The following PTPRD variants were observed in gnomAD, a reference collection of about 807,000 sequenced individuals.
PTPRD encodes protein tyrosine phosphatase receptor type D, also known as receptor-type tyrosine-protein phosphatase delta.
A neutral mutation model predicts 214.5 loss-of-function variants in PTPRD; 34 were observed. That is an observed-to-expected ratio of 0.16 (90% CI 0.12 to 0.21). The LOEUF (loss-of-function observed/expected upper bound fraction) is 0.21, where lower values mean the gene tolerates loss of function less well. PTPRD is among the 10% of genes least tolerant of loss of function. The pLI is 1.00. For missense variants in PTPRD, 2,545 were observed against 2,398.7 expected, an observed-to-expected ratio of 1.06 and a Z score of -1.27; for synonymous variants, 1,128 against 845.7, an observed-to-expected ratio of 1.33 and a Z score of -5.79.
At chr9:10,229,473 C>A (rs919510964) in intron 3 of PTPRD, among the ~76,000 whole-genome samples, 9 of 152,004 alleles carry the variant, frequency 5.9e-5, no homozygotes, top group Admixed American at 5.9e-4. Context: ...CAGTGATAGA[C>A]TGGATTAAGA....
chr9:8,918,032 C>T (rs1330511723), intron 11 of PTPRD, among the ~76,000 whole-genome samples: 2 of 152,150 alleles, frequency 1.3e-5, no homozygotes, highest in East Asian at 1.9e-4. Context: ...AACAGCGTCA[C>T]AACAAGCTTT....
intron 6 of PTPRD, among the ~76,000 whole-genome samples, chr9:9,743,238 A>G (rs1424675485): frequency 6.6e-6 from 1 of 152,168 alleles, no homozygotes; most frequent in East Asian, 1.9e-4. Context: ...TGCCAAATGC[A>G]TATTTCAGAT....
At chr9:9,980,270 A>T (rs907169701) in intron 4 of PTPRD, among the ~76,000 whole-genome samples, 1 of 152,030 alleles carries the variant, frequency 6.6e-6, no homozygotes, top group Non-Finnish European at 1.5e-5. Context: ...AATCATATAT[A>T]TACTTGTAAT....
At chr9:10,159,019 C>A (rs572619025) in intron 3 of PTPRD, among the ~76,000 whole-genome samples, 18 of 152,150 alleles carry the variant, frequency 1.2e-4, no homozygotes, top group African/African-American at 4.1e-4. Flanking sequence ...TTCCACTGGT[C>A]CCCCTGGGCA....
intron 8 of PTPRD, among the ~76,000 whole-genome samples, chr9:9,417,731 G>C (rs1175235049): frequency 6.6e-6 from 1 of 152,036 alleles, no homozygotes; most frequent in Non-Finnish European, 1.5e-5. Context: ...CATTTAGAAA[G>C]TCATTTAACC....
chr9:10,230,436 G>GTATCTATCTATC (rs59835845), intron 3 of PTPRD, among the ~76,000 whole-genome samples: 2,751 of 140,690 alleles, frequency 0.02, 28 homozygotes, highest in East Asian at 0.029. Flanking sequence ...ATGTATCTAT[G>GTATCTATCTATC]TATCTATCTA....
At chr9:9,642,595 A>G (rs961236604) in intron 7 of PTPRD, among the ~76,000 whole-genome samples, 3 of 151,968 alleles carry the variant, frequency 2.0e-5, no homozygotes, top group Non-Finnish European at 2.9e-5. Flanking sequence ...TCCCCAATTC[A>G]TCTTGATTTT....
At chr9:10,214,585 T>C (rs983569380) in intron 3 of PTPRD, among the ~76,000 whole-genome samples, 1 of 151,958 alleles carries the variant, frequency 6.6e-6, no homozygotes, top group African/African-American at 2.4e-5. Context: ...CAACTATTAA[T>C]TCTTACTGGA....
intron 35 of PTPRD, among the ~76,000 whole-genome samples, chr9:8,435,700 T>TACACACACACACAC (rs3043782): frequency 4.7e-5 from 7 of 148,780 alleles, no homozygotes; most frequent in African/African-American, 1.7e-4. Flanking sequence ...AATATCCAAA[T>TACACACACACACAC]ACACACACAC....
At chr9:10,387,577 GTCT>G (rs1393780565) in intron 2 of PTPRD, among the ~76,000 whole-genome samples, 4 of 151,634 alleles carry the variant, frequency 2.6e-5, no homozygotes, top group Admixed American at 2.6e-4. Flanking sequence ...ACTTCACCAG[GTCT>G]TCTCCTCTTG....
intron 6 of PTPRD, among the ~76,000 whole-genome samples, chr9:9,765,852 C>T (rs1375692261): frequency 1.3e-5 from 2 of 151,886 alleles, no homozygotes; most frequent in African/African-American, 4.8e-5. Flanking sequence ...TTAGTAGAGA[C>T]GGGGTTTCAC....
intron 12 of PTPRD, among the ~76,000 whole-genome samples, chr9:8,723,981 TTGCAA>T (rs2098530418): frequency 6.6e-6 from 1 of 152,218 alleles, no homozygotes; most frequent in African/African-American, 2.4e-5. Flanking sequence ...TGAAAACCTA[TTGCAA>T]ATTGTACAGT....
intron 10 of PTPRD, among the ~76,000 whole-genome samples, chr9:9,135,025 T>A (rs1270909552): frequency 3.3e-5 from 5 of 152,200 alleles, no homozygotes; most frequent in Non-Finnish European, 7.3e-5. Flanking sequence ...CATATGCGCT[T>A]TATGATGCTT....
chr9:10,567,773 T>G (rs2131798068), intron 2 of PTPRD, among the ~76,000 whole-genome samples: 1 of 151,924 alleles, frequency 6.6e-6, no homozygotes, highest in Non-Finnish European at 1.5e-5. Flanking sequence ...ATATTTAGTG[T>G]TCAGTATTTA....
intron 10 of PTPRD, among the ~76,000 whole-genome samples, chr9:9,150,330 G>T (rs1041382117): frequency 6.6e-6 from 1 of 151,492 alleles, no homozygotes; most frequent in African/African-American, 2.4e-5. Context: ...TTGTGCTAGC[G>T]TAGGGTTGGG....
intron 10 of PTPRD, among the ~76,000 whole-genome samples, chr9:9,026,472 G>C (rs919516687): frequency 6.6e-6 from 1 of 151,986 alleles, no homozygotes; most frequent in African/African-American, 2.4e-5. Context: ...CTGTTAGACA[G>C]TTTAAGAAAC....
intron 14 of PTPRD, among the ~76,000 whole-genome samples, chr9:8,534,627 G>GTATA (rs751737839): frequency 2.7e-5 from 4 of 150,590 alleles, no homozygotes; most frequent in African/African-American, 9.7e-5. Context: ...CATTCCTAGA[G>GTATA]TATATATATA....
At chr9:9,619,732 T>G (rs1445771444) in intron 7 of PTPRD, among the ~76,000 whole-genome samples, 1 of 146,168 alleles carries the variant, frequency 6.8e-6, no homozygotes, top group African/African-American at 2.5e-5. Flanking sequence ...ATCGTGTATT[T>G]AATTTTCTAT....
intron 10 of PTPRD, among the ~76,000 whole-genome samples, chr9:9,031,739 A>G (rs10977447): frequency 0.021 from 3,186 of 152,106 alleles, 48 homozygotes; most frequent in Non-Finnish European, 0.035. Flanking sequence ...TACAAATAGG[A>G]AAGAGACACC....
Sources: gnomAD v4.1 joint callset for allele counts (sites outside exome capture counted in the v4.1 genomes callset) on GRCh38, gnomAD v4.1.1 for gene constraint, MANE v1.5 for transcripts, NCBI Gene and HGNC (gene_info 2026-07-23, HGNC 2026-07-21) for gene names.